Variants in SMARCC1 observed in about 807,000 individuals in gnomAD.
SMARCC1 encodes the protein SWI/SNF complex subunit SMARCC1.
In SMARCC1, 43 loss-of-function variants were observed where a neutral mutation model predicts 147.4. The ratio of observed to expected loss-of-function variants is 0.29; its 90% CI spans 0.23 to 0.38. The LOEUF (loss-of-function observed/expected upper bound fraction) is 0.38, where lower values mean the gene tolerates loss of function less well. Ranked by LOEUF, SMARCC1 falls within the 10% of genes least tolerant of loss-of-function variation. The probability of loss-of-function intolerance (pLI) is 1.00; values close to 1 mark genes in which losing one functional copy is unlikely to be tolerated. For synonymous variants in SMARCC1, 495 were observed against 484.4 expected, an observed-to-expected ratio of 1.02 and a Z score of -0.29; for missense variants, 1,119 against 1,381.1, an observed-to-expected ratio of 0.81 and a Z score of 3.01.
intron 21 of SMARCC1, among the ~76,000 whole-genome samples, chr3:47,654,498 T>C (rs773340916): frequency 6.6e-6 from 1 of 152,202 alleles, no homozygotes; most frequent in Non-Finnish European, 1.5e-5. Context: ...GTTAGAACAA[T>C]AATTTGCGCA....
At chr3:47,721,019 C>T (rs780538642) in intron 6 of SMARCC1, among the ~76,000 whole-genome samples, 18 of 152,116 alleles carry the variant, frequency 1.2e-4, no homozygotes, top group Non-Finnish European at 2.2e-4. Flanking sequence ...TCCCATTCAC[C>T]CACCAGCCTC....
intron 2 of SMARCC1, among the ~76,000 whole-genome samples, chr3:47,764,989 C>A (rs555998269): frequency 1.3e-5 from 2 of 152,174 alleles, no homozygotes; most frequent in Non-Finnish European, 2.9e-5. Flanking sequence ...CGGTGGCTCA[C>A]GCCTGTAATC....
At chr3:47,728,901 T>C in intron 6 of SMARCC1, 124 bp downstream of exon 6, 1 of 545,608 alleles carries the variant, frequency 1.8e-6, no homozygotes, top group Non-Finnish European at 3.1e-6. Context: ...ACAGACTCCA[T>C]CTTCAAAACA....
chr3:47,752,101 C>T (rs1461835947), intron 2 of SMARCC1, among the ~76,000 whole-genome samples: 2 of 152,044 alleles, frequency 1.3e-5, no homozygotes, highest in Non-Finnish European at 2.9e-5. Flanking sequence ...ACAACAACAA[C>T]AACAAACCTC....
chr3:47,655,720 A>C (rs2033252737), intron 21 of SMARCC1, among the ~76,000 whole-genome samples: 1 of 152,026 alleles, frequency 6.6e-6, no homozygotes, highest in Non-Finnish European at 1.5e-5. Context: ...AATAATAATA[A>C]TTAAAAAGAC....
intron 24 of SMARCC1, among the ~76,000 whole-genome samples, chr3:47,626,319 G>C (rs1431322964): frequency 1.3e-5 from 2 of 151,796 alleles, no homozygotes. Context: ...GCTAATTTTT[G>C]TATTTTTAGT....
intron 26 of SMARCC1, among the ~76,000 whole-genome samples, chr3:47,599,145 G>T (rs1451417474): frequency 6.6e-6 from 1 of 152,152 alleles, no homozygotes. Flanking sequence ...CCAGCACTTT[G>T]GGGGGCTGAG....
chr3:47,774,018 T>C (rs931841073), intron 1 of SMARCC1, among the ~76,000 whole-genome samples: 5 of 152,132 alleles, frequency 3.3e-5, no homozygotes, highest in Admixed American at 6.6e-5. Context: ...TTTATTTTTT[T>C]ATTTTTTTTT....
intron 2 of SMARCC1, among the ~76,000 whole-genome samples, chr3:47,762,059 G>A (rs1419497159): frequency 6.6e-6 from 1 of 152,188 alleles, no homozygotes; most frequent in Non-Finnish European, 1.5e-5. Flanking sequence ...TGGGATTACA[G>A]GCGTGAGCTA....
chr3:47,657,230 G>C (rs1301818758), intron 21 of SMARCC1, among the ~76,000 whole-genome samples: 1 of 152,122 alleles, frequency 6.6e-6, no homozygotes, highest in African/African-American at 2.4e-5. Context: ...CAAGGAAGTA[G>C]ACAACTTGAA....
chr3:47,746,332 C>T (rs570713471), intron 2 of SMARCC1: 1 of 168,724 alleles, frequency 5.9e-6, no homozygotes, highest in East Asian at 1.7e-4. Context: ...CACCTGCAAT[C>T]CTATCCAGGA....
chr3:47,644,386 C>G (rs941617405), intron 21 of SMARCC1, among the ~76,000 whole-genome samples: 4 of 152,116 alleles, frequency 2.6e-5, no homozygotes, highest in Admixed American at 1.3e-4. Context: ...GTCCCAGGTA[C>G]CTGGGAGGCT....
chr3:47,735,707 T>C (rs1485785104), intron 5 of SMARCC1, among the ~76,000 whole-genome samples: 4 of 151,974 alleles, frequency 2.6e-5, no homozygotes, highest in African/African-American at 4.8e-5. Context: ...TGAACCGGGA[T>C]TGCACCCCTA....
intron 8 of SMARCC1, among the ~76,000 whole-genome samples, chr3:47,714,120 TTG>T (rs2034125866): frequency 6.6e-6 from 1 of 152,188 alleles, no homozygotes; most frequent in Non-Finnish European, 1.5e-5. Flanking sequence ...TCCCAGCACT[TTG>T]GGAGGCTGAG....
intron 2 of SMARCC1, among the ~76,000 whole-genome samples, chr3:47,759,760 C>T (rs2034751820): frequency 1.3e-5 from 2 of 149,776 alleles, no homozygotes; most frequent in Admixed American, 6.7e-5. Flanking sequence ...CATGGTGAAA[C>T]CTCATCTCTA....
intron 21 of SMARCC1, among the ~76,000 whole-genome samples, chr3:47,656,883 A>G (rs1559636591): frequency 6.6e-6 from 1 of 152,070 alleles, no homozygotes; most frequent in Non-Finnish European, 1.5e-5. Flanking sequence ...GCATGCCACT[A>G]AACTCTAGCC....
intron 2 of SMARCC1, among the ~76,000 whole-genome samples, chr3:47,770,978 T>C (rs2034906993): frequency 6.6e-6 from 1 of 152,172 alleles, no homozygotes; most frequent in African/African-American, 2.4e-5. Flanking sequence ...TGGCGCAATC[T>C]CGGCTCACTG....
chr3:47,655,565 C>T (rs1243375663), intron 21 of SMARCC1, among the ~76,000 whole-genome samples: 1 of 150,760 alleles, frequency 6.6e-6, no homozygotes, highest in East Asian at 2.0e-4. Flanking sequence ...GGTGTCGTGG[C>T]ACACACATGT....
rs35831016 is a variant in SMARCC1, at chr3:47,774,236, C to CT, written c.196-1301dup. 3.4e-4 allele frequency among the ~76,000 whole-genome samples: 39 copies of CT among 113,394 alleles called. 1 individual carries two copies. Among genetic ancestry groups the CT allele is most frequent in the South Asian group, 1.3e-3 (5 of 3,846 alleles). The allele number at this position is 113,394 out of a possible 152,430, so 74.4% of individuals were successfully genotyped here. On this transcript the variant is annotated intron_variant, in intron 1 of 27. Transcript: ENST00000254480. ...CAGCATATAAAAAGGCAATCATTTA[C>CT]TTTTTTTTTTTTTTTTTTGAGATGG...
Sources: gnomAD v4.1 joint callset for allele counts (sites outside exome capture counted in the v4.1 genomes callset) on GRCh38, gnomAD v4.1.1 for gene constraint, MANE v1.5 for transcripts, NCBI Gene and HGNC (gene_info 2026-07-23, HGNC 2026-07-21) for gene names.